Variants in FRMD4A observed in about 807,000 individuals in gnomAD.
FRMD4A encodes FERM domain-containing protein 4A.
In FRMD4A, 29 loss-of-function variants were observed where a neutral mutation model predicts 129.1. The ratio of observed to expected loss-of-function variants is 0.22; its 90% CI spans 0.17 to 0.31. The LOEUF (loss-of-function observed/expected upper bound fraction) is 0.31, where lower values mean the gene tolerates loss of function less well. Among genes scored for constraint, FRMD4A ranks in the 10% least tolerant of loss-of-function variants. The pLI is 1.00. For missense variants in FRMD4A, 1,272 were observed against 1,375.8 expected (o/e 0.92, Z 1.19); for synonymous variants, 634 against 571.6 (o/e 1.11, Z -1.56).
At chr10:14,172,120 T>A (rs973166905) in intron 2 of FRMD4A, among the ~76,000 whole-genome samples, 1 of 152,176 alleles carries the variant, frequency 6.6e-6, no homozygotes, top group African/African-American at 2.4e-5. Flanking sequence ...CAAATGCAGT[T>A]TGAATTTTCA....
chr10:14,028,577 A>G (rs1833088171), intron 2 of FRMD4A, among the ~76,000 whole-genome samples: 1 of 152,204 alleles, frequency 6.6e-6, no homozygotes, highest in Non-Finnish European at 1.5e-5. Context: ...TATTAAAAAC[A>G]TTTTGTCCAA....
intron 2 of FRMD4A, among the ~76,000 whole-genome samples, chr10:13,915,288 GA>G (rs1283227918): frequency 2.0e-5 from 3 of 152,072 alleles, no homozygotes; most frequent in Admixed American, 2.0e-4. Context: ...GGGGGCTAGC[GA>G]ACTGGAGCAC....
At position 13,782,471 on chromosome 10, in the gene FRMD4A, G is replaced by A. The variant is rs182001994; in HGVS notation, c.384+451C>T. Reference sequence around the variant, plus strand: ...TCCTTTTTTTTTTTTTTGAGATGGAGTCTCCGCCTGTCACCAGGCTGGAGT... The same window carrying A: ...TCCTTTTTTTTTTTTTTGAGATGGAATCTCCGCCTGTCACCAGGCTGGAGT... On this transcript the variant is annotated intron_variant, in intron 6 of 24. Coordinates refer to ENST00000357447, the MANE Select transcript of FRMD4A (RefSeq NM_018027.5). Among the ~76,000 whole-genome samples, 18 of 147,166 alleles carry A rather than the reference G, an allele frequency of 1.2e-4. No homozygotes were observed. In the East Asian group the frequency reaches 3.2e-3, roughly 26 times the overall value.
intron 6 of FRMD4A, among the ~76,000 whole-genome samples, chr10:13,782,262 C>T (rs2092755987): frequency 1.3e-5 from 2 of 152,034 alleles, no homozygotes; most frequent in South Asian, 4.2e-4. Context: ...TTCCTATCTG[C>T]AAGACCTGTC....
chr10:13,755,986 G>T (rs763023262), intron 8 of FRMD4A: 3 of 152,222 alleles, frequency 2.0e-5, no homozygotes, highest in Non-Finnish European at 2.9e-5. Context: ...TAGGCAAAAC[G>T]TGGACCAAGA....
In FRMD4A at chr10:13,714,027, C is replaced by CATATATATAAAATATATAATATATAT. The variant is rs1554858885; in HGVS notation, c.760-6915_760-6914insATATATATTATATATTTTATATATAT. On this transcript the variant is annotated intron_variant, in intron 12 of 24. Coordinates refer to ENST00000357447, the MANE Select transcript of FRMD4A (RefSeq NM_018027.5). ...ATATAATATACATATATAAAATATACATATATATATATATATATATATATA... is the reference window on the plus strand; with the variant it reads ...ATATAATATACATATATAAAATATACATATATATAAAATATATAATATATATATATATATATATATATATATATATA... Among the ~76,000 whole-genome samples the CATATATATAAAATATATAATATATAT allele has an allele frequency of 2.2e-3, 68 of 31,164 alleles. 8 individuals carry two copies. The East Asian group carries it at 0.027, about 12-fold the overall frequency. 20.4% of individuals were successfully genotyped at this position (31,164 alleles called of 152,430 possible). A position where few individuals can be genotyped will look rare whatever the true frequency, so the allele number is the denominator to read the frequency against.
intron 2 of FRMD4A, among the ~76,000 whole-genome samples, chr10:14,003,814 A>T (rs1195504603): frequency 2.0e-5 from 3 of 152,212 alleles, no homozygotes; most frequent in African/African-American, 7.2e-5. Context: ...CTCCAACATA[A>T]AACCATTTCC....
chr10:14,116,593 G>T (rs1375054440), intron 2 of FRMD4A, among the ~76,000 whole-genome samples: 1 of 152,150 alleles, frequency 6.6e-6, no homozygotes, highest in Non-Finnish European at 1.5e-5. Context: ...GGGTCTGGGG[G>T]CTAAAAGGAG....
At chr10:13,681,549 T>A (rs1410219588) in intron 15 of FRMD4A, among the ~76,000 whole-genome samples, 2 of 148,700 alleles carry the variant, frequency 1.3e-5, no homozygotes, top group Non-Finnish European at 2.9e-5. Flanking sequence ...GAAAGGCACA[T>A]ATATATATGT....
intron 2 of FRMD4A, among the ~76,000 whole-genome samples, chr10:14,099,503 G>C (rs1837186440): frequency 6.6e-6 from 1 of 152,182 alleles, no homozygotes; most frequent in East Asian, 1.9e-4. Flanking sequence ...CCAAATCCAG[G>C]CATGCCCAAC....
chr10:14,185,521 T>C (rs538194979), intron 2 of FRMD4A, among the ~76,000 whole-genome samples: 13 of 152,292 alleles, frequency 8.5e-5, no homozygotes, highest in East Asian at 3.9e-4. Flanking sequence ...TGGAGGTTTG[T>C]TGTAGAACTA....
intron 19 of FRMD4A, among the ~76,000 whole-genome samples, chr10:13,663,046 T>TA (rs56178974): frequency 0.8 from 121,118 of 151,522 alleles, 48,688 homozygotes; most frequent in East Asian, 0.87. Context: ...ATACAAAAAT[T>TA]GCCAGGTGTG....
At chr10:14,100,309 T>C (rs1010210269) in intron 2 of FRMD4A, among the ~76,000 whole-genome samples, 1 of 152,230 alleles carries the variant, frequency 6.6e-6, no homozygotes, top group Non-Finnish European at 1.5e-5. Flanking sequence ...AAATATTCGA[T>C]GGCAGCCAGA....
intron 2 of FRMD4A, among the ~76,000 whole-genome samples, chr10:14,222,141 T>C (rs529145784): frequency 6.6e-6 from 1 of 152,362 alleles, no homozygotes; most frequent in East Asian, 1.9e-4. Context: ...CTTTCGATAT[T>C]CAAATGAGAC....
intron 2 of FRMD4A, among the ~76,000 whole-genome samples, chr10:14,010,664 C>CTGTTTTTTTTTTTTTTTT (rs2095678744): frequency 2.6e-5 from 2 of 76,418 alleles, no homozygotes; most frequent in African/African-American, 4.4e-5. Flanking sequence ...GAGTTTAGGT[C>CTGTTTTTTTTTTTTTTTT]TTTTTTTTTT....
intron 2 of FRMD4A, among the ~76,000 whole-genome samples, chr10:14,281,641 C>T (rs1455051027): frequency 6.6e-6 from 1 of 152,224 alleles, no homozygotes; most frequent in African/African-American, 2.4e-5. Flanking sequence ...GCATTAAGTA[C>T]CTCCACACTG....
intron 2 of FRMD4A, among the ~76,000 whole-genome samples, chr10:14,174,720 G>C (rs1841641900): frequency 1.3e-5 from 2 of 152,182 alleles, no homozygotes; most frequent in South Asian, 4.1e-4. Context: ...TCAGCCCACT[G>C]TGAATTTCAC....
At chr10:14,128,200 C>A (rs1163301044) in intron 2 of FRMD4A, among the ~76,000 whole-genome samples, 1 of 151,230 alleles carries the variant, frequency 6.6e-6, no homozygotes, top group African/African-American at 2.4e-5. Context: ...ACTTCCGGGC[C>A]TCAAGCAATC....
At chr10:14,186,804 G>C (rs1028905310) in intron 2 of FRMD4A, among the ~76,000 whole-genome samples, 18 of 152,082 alleles carry the variant, frequency 1.2e-4, no homozygotes, top group Admixed American at 3.3e-4. Flanking sequence ...GGTGGCCTTG[G>C]ACACAAGTTG....
Sources: gnomAD v4.1 joint callset for allele counts (sites outside exome capture counted in the v4.1 genomes callset) on GRCh38, gnomAD v4.1.1 for gene constraint, MANE v1.5 for transcripts, NCBI Gene and HGNC (gene_info 2026-07-23, HGNC 2026-07-21) for gene names.